The following USP18 variants were observed in gnomAD, a reference collection of about 807,000 sequenced individuals.
USP18 encodes the protein ubiquitin specific peptidase 18, also known as ubl carboxyl-terminal hydrolase 18.
USP18 carries 11 observed loss-of-function variants against 48.7 expected under a neutral mutation model. The ratio of observed to expected loss-of-function variants is 0.23; its 90% confidence interval spans 0.14 to 0.37. The LOEUF (loss-of-function observed/expected upper bound fraction) is 0.37. USP18 is among the 10% of genes least tolerant of loss of function. The pLI, the probability that USP18 is intolerant of heterozygous loss-of-function variation, is 1.00. For missense variants in USP18, 285 were observed against 436.4 expected (o/e 0.65, Z 3.09); for synonymous variants, 114 against 163.2 (o/e 0.70, Z 2.30).
At chr22:18,174,858 A>G (rs893368070) in intron 10 of USP18, among the ~76,000 whole-genome samples, 3 of 152,126 alleles carry the variant, frequency 2.0e-5, no homozygotes, top group African/African-American at 7.2e-5. Context: ...AGCCTGCCAA[A>G]GTGCTTGGAT....
intron 5 of USP18, among the ~76,000 whole-genome samples, 193 bp from the exon 6 acceptor site, chr22:18,167,697 C>CAA (rs748332867): frequency 8.5e-5 from 8 of 94,280 alleles, no homozygotes; most frequent in South Asian, 3.7e-4. Flanking sequence ...GACTCTGTCT[C>CAA]AAAAAAAAAA....
intron 1 of USP18, among the ~76,000 whole-genome samples, chr22:18,151,987 G>C (rs1294614760): frequency 6.6e-6 from 1 of 152,168 alleles, no homozygotes; most frequent in Non-Finnish European, 1.5e-5. Context: ...CTGGGAGGCG[G>C]AGCTTGCAGT....
In USP18 at chr22:18,153,679, T is replaced by G. The variant is rs114963905; in HGVS notation, c.-107+3457T>G. ...CCTAGACTGGTCTTGAACTCCTGGCTTCAAGCTATCCTCTTGCCTCAGCCA... is the reference window on the plus strand; with the variant it reads ...CCTAGACTGGTCTTGAACTCCTGGCGTCAAGCTATCCTCTTGCCTCAGCCA... On this transcript the variant is annotated intron_variant, in intron 1 of 10. Coordinates refer to ENST00000215794, the MANE Select transcript of USP18 (RefSeq NM_017414.4). Among the ~76,000 whole-genome samples the G allele has an allele frequency of 6.6e-3, 998 of 152,310 alleles. 14 individuals are homozygous for G. Among genetic ancestry groups the G allele is most frequent in the African/African-American group, 0.023 (940 of 41,574 alleles).
chr22:18,164,336 G>A (rs1929414636), intron 4 of USP18, among the ~76,000 whole-genome samples: 1 of 151,850 alleles, frequency 6.6e-6, no homozygotes. Flanking sequence ...CACTGGGCCT[G>A]GGGGGATGTT....
At chr22:18,174,766 A>T (rs972686629) in intron 10 of USP18, among the ~76,000 whole-genome samples, 4 of 151,816 alleles carry the variant, frequency 2.6e-5, no homozygotes, top group Admixed American at 6.6e-5. Flanking sequence ...GGCATATTTT[A>T]AAAAAATGTT....
intron 4 of USP18, among the ~76,000 whole-genome samples, chr22:18,163,685 T>C (rs1020312850): frequency 6.6e-6 from 1 of 150,894 alleles, no homozygotes; most frequent in African/African-American, 2.4e-5. Flanking sequence ...AAAAGAAAAA[T>C]ACCTCTCCCA....
At chr22:18,156,501 G>GC (rs1472823026) in intron 1 of USP18, among the ~76,000 whole-genome samples, 1 of 151,574 alleles carries the variant, frequency 6.6e-6, no homozygotes, top group Non-Finnish European at 1.5e-5. Flanking sequence ...CACTCCTGAA[G>GC]CCAGCAAGAC....
intron 1 of USP18, among the ~76,000 whole-genome samples, chr22:18,156,677 C>A (rs1297075878): frequency 6.6e-6 from 1 of 152,300 alleles, no homozygotes; most frequent in Non-Finnish European, 1.5e-5. Context: ...TAACACTCAC[C>A]GCGAAGGTCT....
chr22:18,154,025 T>C (rs957210986), intron 1 of USP18, among the ~76,000 whole-genome samples: 1 of 151,752 alleles, frequency 6.6e-6, no homozygotes, highest in South Asian at 2.1e-4. Flanking sequence ...GCAGTAAACA[T>C]GAGAGTGCAA....
intron 1 of USP18, among the ~76,000 whole-genome samples, chr22:18,150,992 A>ATTGT (rs1330402370): frequency 6.6e-6 from 1 of 152,232 alleles, no homozygotes; most frequent in Non-Finnish European, 1.5e-5. Context: ...TGGGAAGTAC[A>ATTGT]TTGTTTAAAC....
chr22:18,174,970 G>A (rs1265153620), intron 10 of USP18, among the ~76,000 whole-genome samples: 2 of 152,140 alleles, frequency 1.3e-5, no homozygotes, highest in Non-Finnish European at 2.9e-5. Context: ...CTGGAGTGCA[G>A]TAGCAGGATC....
In USP18 at chr22:18,157,640, CT is replaced by C. The variant is rs1222950282; in HGVS notation, c.-23del. 14 of 1,613,606 alleles carry C rather than the reference CT, an allele frequency of 8.7e-6. No individual in the cohort carries two copies. The highest frequency in any genetic ancestry group is 1.2e-5 in the Non-Finnish European group (14 of 1,179,726). ...TGAACGCGGGCCAGGCAGCTGCGGC[CT>C]GGGGGTTTTGGAGTGATCACGAATG... On this transcript the variant is annotated 5_prime_UTR_variant, in exon 2 of 11. Coordinates refer to ENST00000215794, the MANE Select transcript of USP18 (RefSeq NM_017414.4).
rs577879321 is a variant in USP18 at position 18,164,950 on chromosome 22, C to G, written c.401-2305C>G. ...TGTGTCTGGGGTGGGGCTTGTGGTG[C>G]GAGTGTGTCTCAGCTTTTCCAACCG... On this transcript the variant is annotated intron_variant, in intron 4 of 10. Coordinates refer to ENST00000215794, the MANE Select transcript of USP18 (RefSeq NM_017414.4). Among the ~76,000 whole-genome samples the G allele has an allele frequency of 3.9e-5, 6 of 152,096 alleles. No individual in the cohort carries two copies. The East Asian group carries it at 9.7e-4, about 25-fold the overall frequency.
At chr22:18,155,620 G>C (rs963532957) in intron 1 of USP18, among the ~76,000 whole-genome samples, 1 of 152,156 alleles carries the variant, frequency 6.6e-6, no homozygotes, top group African/African-American at 2.4e-5. Flanking sequence ...CACTCGGAGC[G>C]GCCAGCCGGC....
rs667936 is a variant in USP18 at position 18,175,378 on chromosome 22, T to C, written c.1074-1394T>C. On this transcript the variant is annotated intron_variant, in intron 10 of 10. Transcript: ENST00000215794. ...ATAGGCCTGGTCATTTGAAAAATAA[T>C]GGATTAGGTGAAGCTTGCGTTTGAA... 4.0e-3 allele frequency among the ~76,000 whole-genome samples: 536 copies of C among 134,598 alleles called. 2 individuals carry two copies. The highest frequency in any genetic ancestry group is 7.2e-3 in the African/African-American group (245 of 34,256). 88.3% of individuals were successfully genotyped at this position (134,598 alleles called of 152,430 possible).
Position 18,157,737 on chromosome 22 carries a change from A to G in USP18, c.74A>G (p.Asp25Gly). 6.2e-7 allele frequency: 1 copy of G among 1,614,118 alleles called. No homozygotes were observed. The highest frequency in any genetic ancestry group is 8.5e-7 in the Non-Finnish European group (1 of 1,180,020). Residue 25 changes from aspartate to glycine, a missense_variant, in exon 2 of 11, where the codon GAT becomes GGT. Asp to Gly is a moderately conservative substitution (Grantham distance 94). Around this residue, in one of 5 missense-constraint regions of USP18, gnomAD observed 199 missense variants for 239.6 expected, o/e 0.83. Coordinates refer to ENST00000215794, the MANE Select transcript of USP18 (RefSeq NM_017414.4). ...ILAESSQSPA[D>G]LEEKKEEDSN... is the part of the protein sequence containing the mutation. The stretch of plus-strand genomic sequence containing the variant: ...GCTGAGTCCTCGCAGTCCCCGGCAG[A>G]TCTTGAAGAAAAGAAGGAAGAAGAC...
chr22:18,156,979 A>G (rs1001421578), intron 1 of USP18, among the ~76,000 whole-genome samples: 1 of 152,148 alleles, frequency 6.6e-6, no homozygotes, highest in Non-Finnish European at 1.5e-5. Flanking sequence ...GGGTACCCCT[A>G]TGGCCACTGA....
intron 1 of USP18, among the ~76,000 whole-genome samples, chr22:18,152,720 C>T (rs1055504143): frequency 3.3e-5 from 5 of 152,030 alleles, no homozygotes; most frequent in Non-Finnish European, 5.9e-5. Flanking sequence ...CCTCCTTAGA[C>T]CTTTTAAGCT....
chr22:18,157,941 C>T (rs970932468), intron 2 of USP18, 121 bp downstream of exon 2: 3 of 1,385,472 alleles, frequency 2.2e-6, no homozygotes, highest in African/African-American at 2.9e-5. Flanking sequence ...GCCTGAGTTT[C>T]TGCATCTTTT....
Sources: gnomAD v4.1 joint callset for allele counts (sites outside exome capture counted in the v4.1 genomes callset) on GRCh38, gnomAD v4.1.1 for gene constraint, gnomAD v4.1.1 regional missense constraint, MANE v1.5 for transcripts, NCBI Gene and HGNC (gene_info 2026-07-23, HGNC 2026-07-21) for gene names.